The following TANC1 variants were observed in gnomAD, a reference collection of about 807,000 sequenced individuals.
The protein encoded by TANC1 is protein TANC1.
TANC1 carries 77 observed loss-of-function variants against 149.7 expected under a neutral mutation model. The observed-to-expected ratio is 0.51, with a 90% CI of 0.43 to 0.62. TANC1 has a LOEUF of 0.62. Among genes scored for constraint, TANC1 ranks in the 20% least tolerant of loss-of-function variants. TANC1 has a pLI of 0.00. For synonymous variants in TANC1, 854 were observed against 925.0 expected, an observed-to-expected ratio of 0.92 and a Z score of 1.39; for missense variants, 1,985 against 2,321.8, an observed-to-expected ratio of 0.85 and a Z score of 2.98.
chr2:159,048,986 A>G (rs1341286472), intron 2 of TANC1, among the ~76,000 whole-genome samples: 1 of 152,188 alleles, frequency 6.6e-6, no homozygotes, highest in African/African-American at 2.4e-5. Flanking sequence ...GTGCTGTACC[A>G]CAATGAACTG....
In TANC1 at chr2:159,051,784, A is replaced by T. The variant is rs544346838; in HGVS notation, c.-15-14112A>T. Among the ~76,000 whole-genome samples, 4 of 152,056 alleles carry T rather than the reference A, an allele frequency of 2.6e-5. No individual in the cohort carries two copies. The South Asian group carries it at 6.2e-4, about 24-fold the overall frequency. ...GCACGAGGCTTGCACCATTCTGGGA[A>T]ATTTGGCTGCTGCCACAGCTGAAAT... On this transcript the variant is annotated intron_variant, in intron 2 of 26. Coordinates refer to ENST00000263635, the MANE Select transcript of TANC1 (RefSeq NM_033394.3).
At chr2:159,188,117 A>T (rs2057152535) in intron 16 of TANC1, among the ~76,000 whole-genome samples, 1 of 151,864 alleles carries the variant, frequency 6.6e-6, no homozygotes. Flanking sequence ...TATTTCTATA[A>T]TGTGGTTATA....
chr2:159,162,759 A>G (rs948581762), intron 7 of TANC1, among the ~76,000 whole-genome samples: 6 of 152,134 alleles, frequency 3.9e-5, no homozygotes, highest in Admixed American at 6.5e-5. Flanking sequence ...AATAGATGTT[A>G]TAAGCTTTAA....
At chr2:159,172,067 A>G in intron 10 of TANC1, 54 bp from the exon 11 acceptor site, 2 of 1,552,542 alleles carry the variant, frequency 1.3e-6, no homozygotes, top group Non-Finnish European at 8.8e-7. Context: ...TATATTCAAT[A>G]CCACACCCTG....
intron 3 of TANC1, among the ~76,000 whole-genome samples, chr2:159,087,171 G>A (rs1197882119): frequency 6.6e-6 from 1 of 152,178 alleles, no homozygotes; most frequent in African/African-American, 2.4e-5. Flanking sequence ...GAAAGAGAAG[G>A]CTGTGGAAGA....
chr2:159,160,321 T>C (rs1171680670), intron 7 of TANC1, among the ~76,000 whole-genome samples: 1 of 152,052 alleles, frequency 6.6e-6, no homozygotes, highest in Non-Finnish European at 1.5e-5. Flanking sequence ...AAATGTCAAA[T>C]AGCACTTTTT....
intron 17 of TANC1, 25 bp from the exon 18 acceptor site, chr2:159,196,583 A>C (rs2057868987): frequency 2.5e-6 from 4 of 1,578,924 alleles, no homozygotes; most frequent in Non-Finnish European, 3.5e-6. Flanking sequence ...GCTCAGCTGT[A>C]ACCTTCCCCT....
intron 3 of TANC1, among the ~76,000 whole-genome samples, chr2:159,066,632 A>G (rs1457264215): frequency 2.6e-5 from 4 of 152,208 alleles, no homozygotes; most frequent in Non-Finnish European, 5.9e-5. Flanking sequence ...TCCCTTTCCC[A>G]CATGATTACA....
At chr2:159,141,323 C>T (rs1192842589) in intron 5 of TANC1, among the ~76,000 whole-genome samples, 1 of 152,136 alleles carries the variant, frequency 6.6e-6, no homozygotes, top group East Asian at 1.9e-4. Flanking sequence ...TACGTGGCAA[C>T]AGAGTAGGAT....
intron 2 of TANC1, among the ~76,000 whole-genome samples, chr2:159,047,536 G>C (rs1164437688): frequency 6.6e-6 from 1 of 152,130 alleles, no homozygotes; most frequent in Non-Finnish European, 1.5e-5. Flanking sequence ...TGCTCACTGA[G>C]ATAAATGCAT....
intron 19 of TANC1, among the ~76,000 whole-genome samples, chr2:159,207,556 C>G (rs565281766): frequency 2.0e-5 from 3 of 151,838 alleles, no homozygotes; most frequent in Non-Finnish European, 4.4e-5. Context: ...AAAAACTAGC[C>G]AGGCGTGGTG....
At chr2:159,219,180 A>G (rs1478833946) in intron 20 of TANC1, 58 bp from the exon 21 acceptor site, 13 of 1,604,574 alleles carry the variant, frequency 8.1e-6, no homozygotes, top group African/African-American at 5.3e-5. Flanking sequence ...CTGCCTGGGT[A>G]TAGCAGGTGT....
chr2:158,993,960 A>C (rs1248120919), intron 1 of TANC1, among the ~76,000 whole-genome samples: 1 of 152,192 alleles, frequency 6.6e-6, no homozygotes, highest in Non-Finnish European at 1.5e-5. Flanking sequence ...TGGTCATTTA[A>C]AGAGTACTTA....
In TANC1 at chr2:159,053,999, G is replaced by T. The variant is rs184342728; in HGVS notation, c.-15-11897G>T. 4.3e-3 allele frequency among the ~76,000 whole-genome samples: 657 copies of T among 152,332 alleles called. 2 individuals carry two copies. Among genetic ancestry groups the T allele is most frequent in the Middle Eastern group, 0.01 (3 of 294 alleles). ...AGGCAGGTGTTTTTGTTTTTTTCAG[G>T]ATAGATTTGCAGCATGGGATGCTGC... is the stretch of plus-strand genomic sequence containing the variant. On this transcript the variant is annotated intron_variant, in intron 2 of 26. Coordinates refer to ENST00000263635, the MANE Select transcript of TANC1 (RefSeq NM_033394.3).
At position 159,009,890 on chromosome 2, in the gene TANC1, TAA is replaced by T. The variant is rs35324635; in HGVS notation, c.-16+8712_-16+8713del. On this transcript the variant is annotated intron_variant, in intron 2 of 26. Transcript: ENST00000263635. The stretch of plus-strand genomic sequence containing the variant: ...AAAAAGTTAGCAATAATTTACAAAT[TAA>T]AAAAAAAAAATCTGTGTACCTAGTA... Among the ~76,000 whole-genome samples the T allele has an allele frequency of 2.8e-4, 41 of 148,058 alleles. 1 individual carries two copies. Among genetic ancestry groups the T allele is most frequent in the African/African-American group, 8.4e-4 (34 of 40,474 alleles).
At chr2:159,219,210 G>A (rs1018630630) in intron 20 of TANC1, 28 bp from the exon 21 acceptor site, 1 of 1,613,602 alleles carries the variant, frequency 6.2e-7, no homozygotes, top group Non-Finnish European at 8.5e-7. Context: ...TGCAGCAGGA[G>A]GATGGTAATT....
At position 159,197,030 on chromosome 2, in the gene TANC1, C is replaced by T. The variant is rs1020675765; in HGVS notation, c.3165+237C>T. Among the ~76,000 whole-genome samples the T allele has an allele frequency of 5.9e-5, 9 of 152,296 alleles. No homozygotes were observed. The South Asian group carries it at 1.5e-3, about 25-fold the overall frequency. The stretch of plus-strand genomic sequence containing the variant: ...TTTTCTATGGGAAGCCTTTTGATGA[C>T]ATTCACTCTCAGCTCTTCCTCATGT... On this transcript the variant is annotated intron_variant, in intron 18 of 26. Transcript: ENST00000263635.
chr2:159,127,310 A>G (rs1234860473), intron 4 of TANC1, among the ~76,000 whole-genome samples: 1 of 152,190 alleles, frequency 6.6e-6, no homozygotes, highest in Non-Finnish European at 1.5e-5. Context: ...AAGCCAAGAA[A>G]CAGATGCTCG....
At position 159,230,888 on chromosome 2, in the gene TANC1, A is replaced by G. The variant is rs2060302684; in HGVS notation, c.5462A>G (p.Lys1821Arg). The G allele has an allele frequency of 6.2e-7, 1 of 1,614,088 alleles. No homozygotes were observed. Among genetic ancestry groups the G allele is most frequent in the South Asian group, 1.1e-5 (1 of 91,088 alleles). ...PVHSQENRIT[K>R]TVSHLYQESI... Reference sequence around the variant, plus strand: ...CACTCTCAAGAGAACAGGATAACTAAGACTGTTTCTCATCTGTACCAGGAA... The same window carrying G: ...CACTCTCAAGAGAACAGGATAACTAGGACTGTTTCTCATCTGTACCAGGAA... Residue 1821 changes from lysine (K) to arginine (R), a missense_variant, in exon 27 of 27, where the codon AAG (lysine) becomes AGG (arginine). Lys to Arg is a conservative substitution (Grantham distance 26). This residue lies in a region of TANC1 where 920 missense variants were observed against 994.7 expected (regional missense o/e 0.92). Coordinates refer to ENST00000263635, the MANE Select transcript of TANC1 (RefSeq NM_033394.3). The surrounding 1 kb of genome is among the most constrained non-coding windows in gnomAD (Gnocchi z 4.4).
Sources: gnomAD v4.1 joint callset for allele counts (sites outside exome capture counted in the v4.1 genomes callset) on GRCh38, gnomAD v4.1.1 for gene constraint, gnomAD v4.1.1 regional missense constraint, Gnocchi (gnomAD v3.1) non-coding constraint, MANE v1.5 for transcripts, NCBI Gene and HGNC (gene_info 2026-07-23, HGNC 2026-07-21) for gene names.